The following XKR5 variants were observed in gnomAD, a reference collection of about 807,000 sequenced individuals.
The protein encoded by XKR5 is XK-related protein 5.
In XKR5, 46 loss-of-function variants were observed where a neutral mutation model predicts 40.8. That is an observed-to-expected ratio of 1.13 (90% CI 0.89 to 1.44). XKR5 has a LOEUF of 1.44. Ranked by LOEUF, XKR5 falls within the 40% of genes most tolerant of loss-of-function variation. XKR5 has a pLI of 0.00. For missense variants in XKR5, 1,169 were observed against 844.7 expected, an observed-to-expected ratio of 1.38 and a Z score of -4.76; for synonymous variants, 466 against 356.1, an observed-to-expected ratio of 1.31 and a Z score of -3.48.
chr8:6,834,128 G>A (rs1804892972), intron 1 of XKR5, among the ~76,000 whole-genome samples: 1 of 152,166 alleles, frequency 6.6e-6, no homozygotes, highest in African/African-American at 2.4e-5. Flanking sequence ...CTCCTAGCAC[G>A]GCCTCCTCAG....
chr8:6,826,595 G>A (rs780073305), intron 2 of XKR5, among the ~76,000 whole-genome samples: 7 of 152,186 alleles, frequency 4.6e-5, no homozygotes, highest in African/African-American at 9.7e-5. Context: ...AATAAGCCAG[G>A]TGAGGAGTGC....
chr8:6,827,924 C>A (rs1804589123), intron 2 of XKR5, among the ~76,000 whole-genome samples: 1 of 151,962 alleles, frequency 6.6e-6, no homozygotes, highest in Non-Finnish European at 1.5e-5. Context: ...AAACAAAGAG[C>A]TGGGATAGTG....
At chr8:6,835,381 C>T in intron 1 of XKR5, 55 bp downstream of exon 1, 1 of 1,361,212 alleles carries the variant, frequency 7.3e-7, no homozygotes, top group Non-Finnish European at 9.4e-7. Flanking sequence ...CTCCCGGCGC[C>T]GGGGTGGGGT....
chr8:6,832,938 G>C (rs1323934723), intron 1 of XKR5, 38 bp from the exon 2 acceptor site: 1 of 1,502,882 alleles, frequency 6.7e-7, no homozygotes, highest in East Asian at 2.4e-5. Flanking sequence ...GTTGTTGGAA[G>C]GCTGGAGTGA....
chr8:6,834,232 T>G (rs1563367211), intron 1 of XKR5, among the ~76,000 whole-genome samples: 1 of 152,146 alleles, frequency 6.6e-6, no homozygotes, highest in African/African-American at 2.4e-5. Flanking sequence ...TTTCCAATAG[T>G]AAAGTTCTAA....
intron 1 of XKR5, among the ~76,000 whole-genome samples, chr8:6,833,294 G>C (rs559633529): frequency 1.3e-5 from 2 of 152,208 alleles, no homozygotes; most frequent in South Asian, 4.1e-4. Context: ...AAAGCGTCTG[G>C]CCTCAACTTC....
intron 4 of XKR5, among the ~76,000 whole-genome samples, chr8:6,823,099 C>G (rs1804311471): frequency 6.6e-6 from 1 of 152,184 alleles, no homozygotes; most frequent in Non-Finnish European, 1.5e-5. Flanking sequence ...TAAGCTATGG[C>G]AGAGTATCTC....
chr8:6,808,640 C>T lies in XKR5; in HGVS notation c.*2558G>A, dbSNP rs546247544. 16 of 152,234 alleles carry T rather than the reference C, an allele frequency of 1.1e-4. No individual in the cohort carries two copies. Among genetic ancestry groups the T allele is most frequent in the African/African-American group, 1.4e-4 (6 of 41,540 alleles). The allele number at this position is 152,234 out of a possible 1,614,324, so 9.4% of individuals were successfully genotyped here. A position where few individuals can be genotyped will look rare whatever the true frequency, so the allele number is the denominator to read the frequency against. ...GAAGTGAGGAAGCCATCTGAGAAGC[C>T]GATGTTGGTCCACAGGGCCTCGAAC... On this transcript the variant is annotated 3_prime_UTR_variant, in exon 7 of 7. Transcript: ENST00000618742.
chr8:6,824,232 G>A (rs879296312), intron 3 of XKR5, among the ~76,000 whole-genome samples: 1 of 151,448 alleles, frequency 6.6e-6, no homozygotes, highest in Non-Finnish European at 1.5e-5. Flanking sequence ...TATATGTGAA[G>A]CATTTAATTT....
chr8:6,809,781 T>G lies in XKR5; in HGVS notation c.*1417A>C, dbSNP rs1803597567. 1 of 152,178 alleles carries G rather than the reference T, an allele frequency of 6.6e-6. No homozygotes were observed. The highest frequency in any genetic ancestry group is 2.1e-4 in the South Asian group (1 of 4,826). 9.4% of individuals were successfully genotyped at this position (152,178 alleles called of 1,614,324 possible). A position where few individuals can be genotyped will look rare whatever the true frequency, so the allele number is the denominator to read the frequency against. ...CTATTCCTTTTTAGAGCTCTAATAT[T>G]GTACCCTAATCCAAAAGTGTTTGGA... is the stretch of plus-strand genomic sequence containing the variant. On this transcript the variant is annotated 3_prime_UTR_variant, in exon 7 of 7. Coordinates refer to ENST00000618742, the MANE Select transcript of XKR5 (RefSeq NM_207411.5).
chr8:6,828,378 C>T (rs1018478148), intron 2 of XKR5, among the ~76,000 whole-genome samples: 1 of 152,072 alleles, frequency 6.6e-6, no homozygotes, highest in African/African-American at 2.4e-5. Flanking sequence ...CTGGGAATAG[C>T]GAATATCTGG....
chr8:6,815,436 G>C (rs565651848), intron 6 of XKR5, among the ~76,000 whole-genome samples: 117 of 152,246 alleles, frequency 7.7e-4, no homozygotes, highest in Non-Finnish European at 7.6e-4. Flanking sequence ...CACTTCCCGG[G>C]GTGCTTGTCT....
chr8:6,821,908 C>T lies in XKR5; in HGVS notation c.768G>A (p.Trp256Ter), dbSNP rs1228036916. The change falls in exon 5 of 7, where the codon TGG becomes TGA. Residue 256 changes from tryptophan to a stop codon, truncating the protein, a stop_gained. Coordinates refer to ENST00000618742, the MANE Select transcript of XKR5 (RefSeq NM_207411.5). LOFTEE classifies it high-confidence loss of function. The stretch of plus-strand genomic sequence containing the variant: ...CCATCCTATTTCTAGAAGGGCTGTC[C>T]CAGAAGCTGAGGTAGCAGAGGATGT... ...AVYILCYLSF[W>*]DSPSRNRMVT... The T allele has an allele frequency of 1.2e-6, 2 of 1,613,248 alleles. No individual in the cohort carries two copies. The highest frequency in any genetic ancestry group is 2.2e-5 in the East Asian group (1 of 44,868).
chr8:6,821,897 G>C lies in XKR5; in HGVS notation c.779C>G (p.Ser260Cys), dbSNP rs748086976. Reference protein sequence around the residue: ...LCYLSFWDSPSRNRMVTFYMV... With the variant: ...LCYLSFWDSPCRNRMVTFYMV... Reference sequence around the variant, plus strand: ...GTAGAACGTGACCATCCTATTTCTAGAAGGGCTGTCCCAGAAGCTGAGGTA... The same window carrying C: ...GTAGAACGTGACCATCCTATTTCTACAAGGGCTGTCCCAGAAGCTGAGGTA... The change falls in exon 5 of 7, where the codon TCT becomes TGT. Residue 260 changes from serine to cysteine, a missense_variant. By Grantham distance (112) the Ser-to-Cys change is moderately radical (BLOSUM62 -1). Coordinates refer to ENST00000618742, the MANE Select transcript of XKR5 (RefSeq NM_207411.5). The C allele has an allele frequency of 3.7e-6, 6 of 1,613,470 alleles. No individual in the cohort carries two copies. The highest frequency in any genetic ancestry group is 5.1e-6 in the Non-Finnish European group (6 of 1,179,720).
Position 6,825,330 on chromosome 8 carries a change from T to G in XKR5, c.262A>C (p.Thr88Pro), listed in dbSNP as rs1281560876. Residue 88 changes from threonine to proline, a missense_variant, in exon 3 of 7, where the codon ACC (threonine) becomes CCC (proline). By Grantham distance (38) the Thr-to-Pro change is conservative. Transcript: ENST00000618742. ...VWKRHWDAAL[T>P]SLQKELEAPH... The stretch of plus-strand genomic sequence containing the variant: ...GCCTCCAGTTCCTTCTGCAGACTGG[T>G]CAGTGCAGCGTCCCAGTGCCTAGGG... 5.0e-6 allele frequency: 8 copies of G among 1,588,474 alleles called. No individual in the cohort carries two copies. The highest frequency in any genetic ancestry group is 6.8e-6 in the Non-Finnish European group (8 of 1,169,680).
In XKR5 at chr8:6,812,113, C is replaced by T; in HGVS notation, c.1146G>A (p.Gln382=). The change falls in exon 7 of 7, where the codon CAG becomes CAA. Residue 382 remains glutamine, a synonymous_variant. Coordinates refer to ENST00000618742, the MANE Select transcript of XKR5 (RefSeq NM_207411.5). Reference sequence around the variant, plus strand: ...TCCCCAGCCCAGCCTCTGGGGGGACCTGCTCAGGGGTAGGGGGCTTCCCTA... The same window carrying T: ...TCCCCAGCCCAGCCTCTGGGGGGACTTGCTCAGGGGTAGGGGGCTTCCCTA... ...TILGKPPTPE[Q]VPPEAGLGTQ... 1 of 1,547,116 alleles carries T rather than the reference C, an allele frequency of 6.5e-7. No homozygotes were observed. Among genetic ancestry groups the T allele is most frequent in the South Asian group, 1.2e-5 (1 of 84,068 alleles).
intron 6 of XKR5, among the ~76,000 whole-genome samples, chr8:6,814,825 C>G (rs888997886): frequency 6.6e-6 from 1 of 152,194 alleles, no homozygotes; most frequent in Non-Finnish European, 1.5e-5. Flanking sequence ...TGACATTTCT[C>G]TGACCCGTGA....
At chr8:6,822,405 C>T (rs1214871198) in intron 4 of XKR5, among the ~76,000 whole-genome samples, 3 of 152,118 alleles carry the variant, frequency 2.0e-5, no homozygotes, top group Non-Finnish European at 4.4e-5. Context: ...GAGCAAAAAA[C>T]CTCCACATGC....
intron 3 of XKR5, among the ~76,000 whole-genome samples, chr8:6,824,820 C>G (rs1804387369): frequency 6.6e-6 from 1 of 152,090 alleles, no homozygotes; most frequent in South Asian, 2.1e-4. Context: ...TTGTGCCCGG[C>G]CAAGAATTAT....
Sources: allele counts gnomAD v4.1 joint callset (sites outside exome capture counted in the v4.1 genomes callset), GRCh38; gene constraint gnomAD v4.1.1; transcripts MANE v1.5; gene names NCBI Gene and HGNC (gene_info 2026-07-23, HGNC 2026-07-21).